SNX8: variants seen among roughly 807,000 people sequenced by gnomAD.
The protein encoded by SNX8 is sorting nexin-8.
SNX8 carries 25 observed loss-of-function variants against 51.6 expected under a neutral mutation model. The observed-to-expected ratio is 0.48, with a 90% CI of 0.35 to 0.68. The LOEUF (loss-of-function observed/expected upper bound fraction) is 0.68, where lower values mean the gene tolerates loss of function less well. Ranked by LOEUF, SNX8 falls within the 30% of genes least tolerant of loss-of-function variation. The pLI is 0.00. For missense variants in SNX8, 695 were observed against 624.0 expected (o/e 1.11, Z -1.21); for synonymous variants, 324 against 277.0 (o/e 1.17, Z -1.68).
chr7:2,291,178 T>C (rs1244993591), intron 1 of SNX8, among the ~76,000 whole-genome samples: 2 of 151,956 alleles, frequency 1.3e-5, no homozygotes, highest in African/African-American at 4.8e-5. Flanking sequence ...TGTGAATCTG[T>C]AGTTCCAGCT....
In SNX8 at chr7:2,257,675, A is replaced by C. The variant is rs954014379; in HGVS notation, c.984+60T>G. On this transcript the variant is annotated intron_variant, in intron 8 of 10. Coordinates refer to ENST00000222990, the MANE Select transcript of SNX8 (RefSeq NM_013321.4). Reference sequence around the variant, plus strand: ...CCGTCCCCCAGGAGTTAGACCCTTGAAGGATCCTAAGATCATTCCTGAAAG... The same window carrying C: ...CCGTCCCCCAGGAGTTAGACCCTTGCAGGATCCTAAGATCATTCCTGAAAG... The C allele has an allele frequency of 8.8e-6, 14 of 1,590,596 alleles. No homozygotes were observed. In the Middle Eastern group the frequency reaches 5.0e-4, roughly 57 times the overall value.
rs187669616 is a variant in SNX8, at chr7:2,285,330, G to A, written c.95-7025C>T. Among the ~76,000 whole-genome samples, 441 of 151,560 alleles carry A rather than the reference G, an allele frequency of 2.9e-3. 1 individual carries two copies. The highest frequency in any genetic ancestry group is 4.7e-3 in the African/African-American group (195 of 41,374). On this transcript the variant is annotated intron_variant, in intron 1 of 10. Transcript: ENST00000222990. ...CTTGAACCCGGGAGGCAGAGGTTGCGGTGAGCCAAGTTCGCGCCACTGCAT... is the reference window on the plus strand; with the variant it reads ...CTTGAACCCGGGAGGCAGAGGTTGCAGTGAGCCAAGTTCGCGCCACTGCAT...
At chr7:2,280,907 C>A (rs184616674) in intron 1 of SNX8, among the ~76,000 whole-genome samples, 14 of 151,956 alleles carry the variant, frequency 9.2e-5, no homozygotes, top group Admixed American at 3.9e-4. Context: ...ATTCTGCTGC[C>A]TCAGCCTCCA....
chr7:2,280,506 T>G (rs1225986704), intron 1 of SNX8, among the ~76,000 whole-genome samples: 1 of 151,844 alleles, frequency 6.6e-6, no homozygotes, highest in Non-Finnish European at 1.5e-5. Context: ...AAAATAAGTG[T>G]TCTCTATTAA....
chr7:2,280,827 C>G (rs1265359896), intron 1 of SNX8, among the ~76,000 whole-genome samples: 1 of 142,994 alleles, frequency 7.0e-6, no homozygotes, highest in Non-Finnish European at 1.5e-5. Context: ...GAGTCTCGCT[C>G]TGTTGCCCAG....
At chr7:2,277,807 G>A (rs573592517) in intron 2 of SNX8, among the ~76,000 whole-genome samples, 36 of 130,686 alleles carry the variant, frequency 2.8e-4, no homozygotes, top group Admixed American at 5.7e-4. Context: ...ACTCCACATC[G>A]GGGAAAAAAA....
At chr7:2,316,968 GCTAA>G (rs1394131911), upstream of SNX8, among the ~76,000 whole-genome samples, 6 of 152,184 alleles carry the variant, frequency 3.9e-5, no homozygotes, top group Non-Finnish European at 5.9e-5. Flanking sequence ...GAGCAAGTGT[GCTAA>G]CTGTTCCAAA....
intron 1 of SNX8, among the ~76,000 whole-genome samples, chr7:2,284,361 G>A (rs1309828649): frequency 6.6e-6 from 1 of 150,544 alleles, no homozygotes; most frequent in African/African-American, 2.4e-5. Flanking sequence ...GAAGTAGAAT[G>A]GAAATCAGGT....
At chr7:2,263,136 C>G in intron 7 of SNX8, 94 bp downstream of exon 7, 1 of 1,432,774 alleles carries the variant, frequency 7.0e-7, no homozygotes, top group Non-Finnish European at 9.5e-7. Flanking sequence ...AAAACAAAAA[C>G]GAACTGTGAC....
chr7:2,315,977 ACATT>A (rs894927922), upstream of SNX8, among the ~76,000 whole-genome samples: 20 of 141,258 alleles, frequency 1.4e-4, no homozygotes, highest in East Asian at 1.7e-3. Context: ...GCTTCTTCAT[ACATT>A]CATTCACCCA....
chr7:2,271,421 T>G (rs1206753200), intron 4 of SNX8, among the ~76,000 whole-genome samples: 3 of 151,960 alleles, frequency 2.0e-5, no homozygotes, highest in African/African-American at 7.3e-5. Flanking sequence ...TCTGACGGAG[T>G]GCATGTACAA....
intron 1 of SNX8, among the ~76,000 whole-genome samples, chr7:2,281,793 G>T (rs1562436260): frequency 6.6e-6 from 1 of 152,310 alleles, no homozygotes; most frequent in African/African-American, 2.4e-5. Flanking sequence ...TTGTGGCCTA[G>T]CACGCAGCCG....
chr7:2,290,144 G>A (rs1796120222), intron 1 of SNX8, among the ~76,000 whole-genome samples: 1 of 152,106 alleles, frequency 6.6e-6, no homozygotes, highest in South Asian at 2.1e-4. Context: ...AGTGCGCGGA[G>A]ATTACACCAC....
intron 1 of SNX8, among the ~76,000 whole-genome samples, chr7:2,345,688 A>C (rs1205775666): frequency 1.3e-5 from 2 of 151,942 alleles, no homozygotes; most frequent in Admixed American, 1.3e-4. Flanking sequence ...TCCAAAAAAA[A>C]AAAAGAAGAA....
At chr7:2,347,578 A>G (rs919031108) in intron 1 of SNX8, among the ~76,000 whole-genome samples, 1 of 149,418 alleles carries the variant, frequency 6.7e-6, no homozygotes, top group Non-Finnish European at 1.5e-5. Context: ...CAAACGAGAC[A>G]GGGAAGTTCA....
upstream of SNX8, among the ~76,000 whole-genome samples, chr7:2,314,645 G>A (rs1389201928): frequency 1.3e-5 from 2 of 152,148 alleles, no homozygotes; most frequent in Non-Finnish European, 2.9e-5. Flanking sequence ...CGTGGACACG[G>A]AGCCTGCTGG....
At chr7:2,326,192 C>G (rs1306096398) in intron 1 of SNX8, among the ~76,000 whole-genome samples, 2 of 151,432 alleles carry the variant, frequency 1.3e-5, no homozygotes, top group Non-Finnish European at 2.9e-5. Flanking sequence ...AGTGAGACCC[C>G]TGTCTCTACA....
chr7:2,299,564 T>C (rs1584717682), intron 1 of SNX8: 3 of 152,206 alleles, frequency 2.0e-5, no homozygotes, highest in East Asian at 1.9e-4. Context: ...AAAGGAATAC[T>C]ATTTTAGCAA....
chr7:2,348,006 A>G (rs564780844), intron 1 of SNX8, among the ~76,000 whole-genome samples: 21 of 152,258 alleles, frequency 1.4e-4, no homozygotes, highest in Admixed American at 1.2e-3. Context: ...GAGATTGGAC[A>G]TAGACCGGTT....
Sources: allele counts gnomAD v4.1 joint callset (sites outside exome capture counted in the v4.1 genomes callset), GRCh38; gene constraint gnomAD v4.1.1; transcripts MANE v1.5; gene names NCBI Gene and HGNC (gene_info 2026-07-23, HGNC 2026-07-21).